The following NKAIN3 variants were observed in gnomAD, a reference collection of about 807,000 sequenced individuals.
NKAIN3 encodes sodium/potassium-transporting ATPase subunit beta-1-interacting protein 3.
In NKAIN3, 25 loss-of-function variants were observed where a neutral mutation model predicts 30.2. That is an observed-to-expected ratio of 0.83 (90% CI 0.60 to 1.16). The LOEUF (loss-of-function observed/expected upper bound fraction) is 1.16. Among genes scored for constraint, NKAIN3 ranks in the 50% most tolerant of loss-of-function variants. The probability of loss-of-function intolerance (pLI) is 0.00; values close to 1 mark genes in which losing one functional copy is unlikely to be tolerated. For missense variants in NKAIN3, 225 were observed against 254.1 expected, an observed-to-expected ratio of 0.89 and a Z score of 0.78; for synonymous variants, 91 against 89.6, an observed-to-expected ratio of 1.02 and a Z score of -0.09.
chr8:62,670,502 G>T (rs1046854877), intron 3 of NKAIN3, among the ~76,000 whole-genome samples: 1 of 152,114 alleles, frequency 6.6e-6, no homozygotes, highest in African/African-American at 2.4e-5. Flanking sequence ...ATTTGGGGAG[G>T]CAGGGATGTA....
chr8:62,545,741 C>T (rs1299863718), intron 1 of NKAIN3, among the ~76,000 whole-genome samples: 4 of 152,158 alleles, frequency 2.6e-5, no homozygotes, highest in Non-Finnish European at 4.4e-5. Context: ...CCATTGTTTA[C>T]TGTTACACAA....
chr8:62,380,393 T>A (rs1817237138), intron 1 of NKAIN3, among the ~76,000 whole-genome samples: 1 of 152,176 alleles, frequency 6.6e-6, no homozygotes, highest in Non-Finnish European at 1.5e-5. Context: ...GGCTTTTTCA[T>A]CTCTTTCTCC....
chr8:62,825,000 T>A (rs1174222821), intron 4 of NKAIN3, among the ~76,000 whole-genome samples: 2 of 152,180 alleles, frequency 1.3e-5, no homozygotes, highest in Admixed American at 6.5e-5. Context: ...ACCAAGCATG[T>A]CAAATGCAGG....
Position 62,883,457 on chromosome 8 carries a change from G to GTTGTTGTTTTTTTTTTTTTTTTTTTTT in NKAIN3, c.472-34994_472-34993insGTTGTTTTTTTTTTTTTTTTTTTTTTT. Among the ~76,000 whole-genome samples the GTTGTTGTTTTTTTTTTTTTTTTTTTTT allele has an allele frequency of 4.1e-4, 29 of 70,224 alleles. 5 individuals are homozygous for GTTGTTGTTTTTTTTTTTTTTTTTTTTT. The highest frequency in any genetic ancestry group is 2.4e-3 in the East Asian group (4 of 1,698). The allele number at this position is 70,224 out of a possible 152,430, so 46.1% of individuals were successfully genotyped here. On this transcript the variant is annotated intron_variant, in intron 4 of 6. Transcript: ENST00000623646. ...TTTATTATTTCCAGGAGTTTTATGG[G>GTTGTTGTTTTTTTTTTTTTTTTTTTTT]TTTTTTTTTTTTTTTTCAGATTTTC... is the stretch of plus-strand genomic sequence containing the variant.
intron 4 of NKAIN3, among the ~76,000 whole-genome samples, chr8:62,811,628 T>C (rs1000130922): frequency 4.6e-4 from 28 of 61,226 alleles, no homozygotes; most frequent in South Asian, 1.6e-3. Flanking sequence ...TGGCTAACAA[T>C]GGAGAATATG....
At chr8:62,427,752 T>C (rs1804854036) in intron 1 of NKAIN3, among the ~76,000 whole-genome samples, 1 of 152,004 alleles carries the variant, frequency 6.6e-6, no homozygotes, top group Non-Finnish European at 1.5e-5. Context: ...GTACATGTGT[T>C]ATTTTTCTAT....
chr8:62,690,474 T>C (rs912624595), intron 3 of NKAIN3, among the ~76,000 whole-genome samples: 2 of 152,260 alleles, frequency 1.3e-5, no homozygotes, highest in Non-Finnish European at 2.9e-5. Context: ...AAGTACACGC[T>C]ACTATGCTAC....
At chr8:62,364,032 T>C (rs1238356361) in intron 1 of NKAIN3, among the ~76,000 whole-genome samples, 1 of 149,884 alleles carries the variant, frequency 6.7e-6, no homozygotes, top group Non-Finnish European at 1.5e-5. Flanking sequence ...CATCTCTTAT[T>C]TGGGGTTCCT....
At chr8:62,729,051 A>AAAAAAAAAAAAAAAAAAAAAC (rs1815381968) in intron 3 of NKAIN3, among the ~76,000 whole-genome samples, 1 of 143,942 alleles carries the variant, frequency 6.9e-6, no homozygotes, top group East Asian at 2.0e-4. Flanking sequence ...AAAAAAAAAA[A>AAAAAAAAAAAAAAAAAAAAAC]ACCTCCTGCT....
At chr8:62,403,820 A>G (rs1406705435) in intron 1 of NKAIN3, among the ~76,000 whole-genome samples, 1 of 152,230 alleles carries the variant, frequency 6.6e-6, no homozygotes, top group Non-Finnish European at 1.5e-5. Flanking sequence ...TAGCTGTAAG[A>G]AGAAGGCCAC....
chr8:62,315,317 T>C (rs958388918), intron 1 of NKAIN3, among the ~76,000 whole-genome samples: 2 of 152,174 alleles, frequency 1.3e-5, no homozygotes, highest in Admixed American at 6.5e-5. Flanking sequence ...GAAATATTAT[T>C]TTAGCCCATG....
At chr8:62,954,918 T>G (rs1416248525) in intron 6 of NKAIN3, among the ~76,000 whole-genome samples, 2 of 152,228 alleles carry the variant, frequency 1.3e-5, no homozygotes, top group Non-Finnish European at 2.9e-5. Flanking sequence ...TATGATGGAC[T>G]TGCTCAGATG....
chr8:62,354,964 A>G, intron 1 of NKAIN3, among the ~76,000 whole-genome samples: 1 of 152,136 alleles, frequency 6.6e-6, no homozygotes, highest in Non-Finnish European at 1.5e-5. Flanking sequence ...TATCTTTATT[A>G]CACTAGAGAG....
Position 62,972,328 on chromosome 8 carries a change from G to A in NKAIN3, c.*6921G>A, listed in dbSNP as rs1323844656. ...TCAAATTGTCCAAAAAAATATACAAGTGAGGGAATTAATAAAATTTTTTGT... is the reference window on the plus strand; with the variant it reads ...TCAAATTGTCCAAAAAAATATACAAATGAGGGAATTAATAAAATTTTTTGT... On this transcript the variant is annotated 3_prime_UTR_variant, in exon 7 of 7. Transcript: ENST00000623646. Among the ~76,000 whole-genome samples, 1 of 152,048 alleles carries A rather than the reference G, an allele frequency of 6.6e-6. No individual in the cohort carries two copies. Among genetic ancestry groups the A allele is most frequent in the Non-Finnish European group, 1.5e-5 (1 of 68,014 alleles).
intron 1 of NKAIN3, among the ~76,000 whole-genome samples, chr8:62,404,533 T>C (rs1211867492): frequency 6.6e-6 from 1 of 152,160 alleles, no homozygotes; most frequent in African/African-American, 2.4e-5. Context: ...ACAAGGGGCT[T>C]ATGCATTTGC....
rs145815794 is a variant in NKAIN3, at chr8:62,796,668, C to A, written c.471+49539C>A. ...TTTACACCCAGACTCTAGTCTTAAC[C>A]TATCTTGTACTGTGCAGAGGAACAA... On this transcript the variant is annotated intron_variant, in intron 4 of 6. Coordinates refer to ENST00000623646, the MANE Select transcript of NKAIN3 (RefSeq NM_001304533.3). Among the ~76,000 whole-genome samples, 420 of 152,198 alleles carry A rather than the reference C, an allele frequency of 2.8e-3. 3 individuals carry two copies. The highest frequency in any genetic ancestry group is 9.8e-3 in the African/African-American group (405 of 41,536).
At chr8:62,893,790 T>C (rs1563615691) in intron 4 of NKAIN3, among the ~76,000 whole-genome samples, 1 of 152,234 alleles carries the variant, frequency 6.6e-6, no homozygotes, top group Non-Finnish European at 1.5e-5. Context: ...GCTGGAATGA[T>C]AGGAAAGTAT....
At chr8:62,946,072 G>A (rs764194914) in intron 5 of NKAIN3, among the ~76,000 whole-genome samples, 3 of 152,126 alleles carry the variant, frequency 2.0e-5, no homozygotes, top group Admixed American at 6.6e-5. Flanking sequence ...GGTCCCATGT[G>A]CTTCTCTTCA....
intron 1 of NKAIN3, among the ~76,000 whole-genome samples, chr8:62,538,156 T>C (rs1808723998): frequency 6.6e-6 from 1 of 152,146 alleles, no homozygotes; most frequent in African/African-American, 2.4e-5. Context: ...GTAGTTCTTA[T>C]GATGAGGTAG....
Sources: gnomAD v4.1 joint callset for allele counts (sites outside exome capture counted in the v4.1 genomes callset) on GRCh38, gnomAD v4.1.1 for gene constraint, MANE v1.5 for transcripts, NCBI Gene and HGNC (gene_info 2026-07-23, HGNC 2026-07-21) for gene names.